LONRF2: variants seen among roughly 807,000 people sequenced by gnomAD.
The protein encoded by LONRF2 is LON peptidase N-terminal domain and ring finger 2, also known as LON peptidase N-terminal domain and RING finger protein 2.
LONRF2 carries 35 observed loss-of-function variants against 66.6 expected under a neutral mutation model. The ratio of observed to expected loss-of-function variants is 0.53; its 90% confidence interval spans 0.40 to 0.70. The LOEUF (loss-of-function observed/expected upper bound fraction) is 0.70, where lower values mean the gene tolerates loss of function less well. LONRF2 is among the 30% of genes least tolerant of loss of function. The probability of loss-of-function intolerance (pLI) is 0.00; values close to 1 mark genes in which losing one functional copy is unlikely to be tolerated. For missense variants in LONRF2, 902 were observed against 1,002.1 expected, an observed-to-expected ratio of 0.90 and a Z score of 1.35; for synonymous variants, 417 against 418.1, an observed-to-expected ratio of 1.00 and a Z score of 0.03.
intron 1 of LONRF2, among the ~76,000 whole-genome samples, chr2:100,312,980 C>T (rs910274583): frequency 1.3e-5 from 2 of 152,242 alleles, no homozygotes; most frequent in Admixed American, 6.5e-5. Context: ...GTAGGTTCAC[C>T]AATTAACCCC....
chr2:100,298,804 A>AG (rs1675121285), intron 7 of LONRF2, 32 bp downstream of exon 7: 1 of 1,503,582 alleles, frequency 6.7e-7, no homozygotes, highest in East Asian at 2.3e-5. Context: ...TGAGAGGAGG[A>AG]GCTGTCCCGT....
At chr2:100,291,265 C>T (rs1254409012) in intron 9 of LONRF2, among the ~76,000 whole-genome samples, 1 of 152,148 alleles carries the variant, frequency 6.6e-6, no homozygotes. Flanking sequence ...AGGGAGTTTG[C>T]ATCACACACA....
At chr2:100,290,520 C>A (rs1450660336) in intron 9 of LONRF2, 100 bp from the exon 10 acceptor site, 6 of 1,231,210 alleles carry the variant, frequency 4.9e-6, no homozygotes, top group Non-Finnish European at 6.8e-6. Flanking sequence ...TACAAAGCCA[C>A]ACAAAACAGT....
chr2:100,320,579 T>G (rs1188382342), intron 1 of LONRF2, among the ~76,000 whole-genome samples: 1 of 152,216 alleles, frequency 6.6e-6, no homozygotes, highest in Non-Finnish European at 1.5e-5. Context: ...AACAAGAGAT[T>G]CAACAAGTCT....
intron 7 of LONRF2, among the ~76,000 whole-genome samples, chr2:100,297,013 ATCATTCAT>A (rs1204905346): frequency 2.0e-5 from 3 of 152,188 alleles, no homozygotes; most frequent in Non-Finnish European, 4.4e-5. Flanking sequence ...TTTGCATGTA[ATCATTCAT>A]TCATTCATTC....
At chr2:100,314,438 T>C (rs1167375916) in intron 1 of LONRF2, among the ~76,000 whole-genome samples, 7 of 152,222 alleles carry the variant, frequency 4.6e-5, no homozygotes, top group African/African-American at 1.7e-4. Context: ...GTTGTTTCTA[T>C]CAATGGTGTT....
chr2:100,290,123 A>G, intron 10 of LONRF2, 135 bp downstream of exon 10: 1 of 847,422 alleles, frequency 1.2e-6, no homozygotes, highest in Non-Finnish European at 1.8e-6. Flanking sequence ...AAACAAATAG[A>G]TAAATAAATA....
At chr2:100,298,980 A>T (rs1559178168) in intron 6 of LONRF2, 30 bp from the exon 7 acceptor site, 1 of 1,522,310 alleles carries the variant, frequency 6.6e-7, no homozygotes, top group Admixed American at 1.7e-5. Flanking sequence ...TTCAGCCAGA[A>T]ATGTCCAGGA....
At chr2:100,285,773 C>T (rs1427732107) in intron 11 of LONRF2, among the ~76,000 whole-genome samples, 2 of 152,166 alleles carry the variant, frequency 1.3e-5, no homozygotes, top group Admixed American at 6.5e-5. Context: ...CCACAACCTC[C>T]AAAGAGAAAC....
intron 9 of LONRF2, among the ~76,000 whole-genome samples, chr2:100,293,300 G>C (rs940236563): frequency 6.6e-6 from 1 of 152,096 alleles, no homozygotes; most frequent in African/African-American, 2.4e-5. Context: ...TCTCCATAAA[G>C]GTCCTACACA....
intron 2 of LONRF2, among the ~76,000 whole-genome samples, chr2:100,305,960 C>T (rs1675281600): frequency 6.6e-6 from 1 of 152,144 alleles, no homozygotes; most frequent in African/African-American, 2.4e-5. Context: ...GCCATCTCGG[C>T]TCACTGCAAC....
intron 10 of LONRF2, among the ~76,000 whole-genome samples, chr2:100,287,894 T>C (rs915810895): frequency 2.0e-5 from 3 of 152,156 alleles, no homozygotes; most frequent in Non-Finnish European, 2.9e-5. Flanking sequence ...GAATAAACCA[T>C]GAAGGTCCTT....
In LONRF2 at chr2:100,290,402, G is replaced by T. The variant is rs760658556; in HGVS notation, c.1776C>A (p.Cys592Ter). Residue 592 changes from cysteine to a stop codon, truncating the protein, a stop_gained, in exon 10 of 12, where the codon TGC becomes TGA. Transcript: ENST00000393437. LOFTEE classifies it high-confidence loss of function. ...AEHAGLSEYG[C>*]MLEIKDVRTF... ...TTCTCACGTCCTTAATCTCCAGCAT[G>T]CATCCATACTCTGAAAGCCTGAAAA... 1 of 1,612,292 alleles carries T rather than the reference G, an allele frequency of 6.2e-7. No individual in the cohort carries two copies. Among genetic ancestry groups the T allele is most frequent in the South Asian group, 1.1e-5 (1 of 90,530 alleles).
chr2:100,315,603 TGA>T (rs55748083), intron 1 of LONRF2, among the ~76,000 whole-genome samples: 63,146 of 151,894 alleles, frequency 0.42, 14,401 homozygotes, highest in East Asian at 0.71. Context: ...CGTAGTTTCC[TGA>T]GAGATGCATC....
At chr2:100,311,182 T>C (rs1675400185) in intron 1 of LONRF2, among the ~76,000 whole-genome samples, 1 of 152,182 alleles carries the variant, frequency 6.6e-6, no homozygotes, top group East Asian at 1.9e-4. Flanking sequence ...TAGCATGTTA[T>C]TAGATTATTT....
In LONRF2 at chr2:100,272,146, A is replaced by G. The variant is rs1674512185; in HGVS notation, c.*12152T>C. Reference sequence around the variant, plus strand: ...CATATCCATGTTAGAGGAAGAACTTAAATATCATTCTCTCTTTAGTAACCA... The same window carrying G: ...CATATCCATGTTAGAGGAAGAACTTGAATATCATTCTCTCTTTAGTAACCA... On this transcript the variant is annotated 3_prime_UTR_variant, in exon 12 of 12. Transcript: ENST00000393437. 6.6e-6 allele frequency among the ~76,000 whole-genome samples: 1 copy of G among 152,256 alleles called. No homozygotes were observed. The highest frequency in any genetic ancestry group is 1.5e-5 in the Non-Finnish European group (1 of 68,050).
At chr2:100,294,927 T>C (rs1675033986) in intron 8 of LONRF2, among the ~76,000 whole-genome samples, 1 of 151,982 alleles carries the variant, frequency 6.6e-6, no homozygotes, top group African/African-American at 2.4e-5. Context: ...AATTTGCTAT[T>C]CTTAAGTGTA....
chr2:100,296,833 G>A (rs1384025162), intron 7 of LONRF2, among the ~76,000 whole-genome samples: 1 of 152,182 alleles, frequency 6.6e-6, no homozygotes, highest in Non-Finnish European at 1.5e-5. Context: ...TGCTAGCCAA[G>A]GGTTCTGGAG....
At chr2:100,292,468 C>T (rs758735754) in intron 9 of LONRF2, among the ~76,000 whole-genome samples, 2 of 152,254 alleles carry the variant, frequency 1.3e-5, no homozygotes, top group Non-Finnish European at 2.9e-5. Context: ...TCTGCCTACT[C>T]TCTCCCTGTG....
Sources: allele counts gnomAD v4.1 joint callset (sites outside exome capture counted in the v4.1 genomes callset), GRCh38; gene constraint gnomAD v4.1.1; transcripts MANE v1.5; gene names NCBI Gene and HGNC (gene_info 2026-07-23, HGNC 2026-07-21).